The following DPP6 variants were observed in gnomAD, a reference collection of about 807,000 sequenced individuals.
The protein encoded by DPP6 is dipeptidyl peptidase like 6, also known as A-type potassium channel modulatory protein DPP6.
In DPP6, 69 loss-of-function variants were observed where a neutral mutation model predicts 122.6. The ratio of observed to expected loss-of-function variants is 0.56; its 90% CI spans 0.46 to 0.69. DPP6 has a LOEUF of 0.69. DPP6 is among the 30% of genes least tolerant of loss of function. The pLI is 0.00. For synonymous variants in DPP6, 418 were observed against 433.1 expected (o/e 0.97, Z 0.43); for missense variants, 928 against 1,116.9 (o/e 0.83, Z 2.41).
At chr7:154,066,191 C>T (rs1802713226) in intron 1 of DPP6, among the ~76,000 whole-genome samples, 1 of 151,946 alleles carries the variant, frequency 6.6e-6, no homozygotes, top group Admixed American at 6.6e-5. Flanking sequence ...TCCTGAGTAG[C>T]TGGGATTACA....
intron 1 of DPP6, among the ~76,000 whole-genome samples, chr7:154,406,790 A>G (rs951168096): frequency 6.6e-6 from 1 of 152,162 alleles, no homozygotes; most frequent in Non-Finnish European, 1.5e-5. Context: ...GCAAAACACC[A>G]TTCTGTTTTA....
rs1441271224 is a variant in DPP6 at position 154,483,198 on chromosome 7, T to C, written c.457+8161T>C. Among the ~76,000 whole-genome samples the C allele has an allele frequency of 2.0e-5, 3 of 152,102 alleles. No individual in the cohort carries two copies. The highest frequency in any genetic ancestry group is 6.5e-5 in the Admixed American group (1 of 15,272). On this transcript the variant is annotated intron_variant, in intron 3 of 25. Coordinates refer to ENST00000377770, the MANE Select transcript of DPP6 (RefSeq NM_130797.4). This position sits in a 1 kb window ranked among gnomAD's most constrained non-coding sequence, Gnocchi z 8.1. ...TCAAAGTCAAGGCAGGAGAAAATGC[T>C]CTAGGCGAGTTAGTGTGCTGCCGAT...
intron 5 of DPP6, among the ~76,000 whole-genome samples, chr7:154,570,425 C>T (rs1478346479): frequency 6.6e-6 from 1 of 151,854 alleles, no homozygotes; most frequent in Admixed American, 6.6e-5. Context: ...GTCTTTTTAT[C>T]TCCTATCTGT....
intron 1 of DPP6, among the ~76,000 whole-genome samples, chr7:154,057,001 G>A (rs1307964223): frequency 2.0e-5 from 3 of 152,202 alleles, no homozygotes; most frequent in Admixed American, 6.5e-5. Flanking sequence ...AGTGCTTGGT[G>A]TACTCACCTA....
chr7:154,582,502 G>A (rs1422893937), intron 5 of DPP6, among the ~76,000 whole-genome samples: 1 of 152,114 alleles, frequency 6.6e-6, no homozygotes, highest in Non-Finnish European at 1.5e-5. Flanking sequence ...GAGGAGGGAG[G>A]AAGCCCCTCA....
chr7:154,185,272 T>G (rs559402630), intron 1 of DPP6, among the ~76,000 whole-genome samples: 1 of 152,324 alleles, frequency 6.6e-6, no homozygotes, highest in East Asian at 1.9e-4. Context: ...GGATTTCAAT[T>G]TTTGCCTGGA....
chr7:154,091,355 C>T (rs1345236005), intron 1 of DPP6, among the ~76,000 whole-genome samples: 10 of 152,208 alleles, frequency 6.6e-5, no homozygotes, highest in East Asian at 1.9e-4. Flanking sequence ...GTATTTTGAG[C>T]GGTCTATGGC....
intron 1 of DPP6, among the ~76,000 whole-genome samples, chr7:154,303,502 T>A (rs1806049930): frequency 6.6e-6 from 1 of 152,084 alleles, no homozygotes; most frequent in Non-Finnish European, 1.5e-5. Flanking sequence ...CGACTCTTGC[T>A]TGGCCCGGCC....
intron 1 of DPP6, among the ~76,000 whole-genome samples, chr7:153,890,582 C>A (rs1799145682): frequency 6.6e-6 from 1 of 151,616 alleles, no homozygotes; most frequent in Admixed American, 6.6e-5. Flanking sequence ...CTGAGTACAG[C>A]TAGAGGATTA....
chr7:154,851,746 T>G lies in DPP6; in HGVS notation c.1667-2034T>G, dbSNP rs117264930. 3.2e-4 allele frequency among the ~76,000 whole-genome samples: 49 copies of G among 152,094 alleles called. No individual in the cohort carries two copies. In the East Asian group the frequency reaches 9.5e-3, roughly 29 times the overall value. On this transcript the variant is annotated intron_variant, in intron 16 of 25. Coordinates refer to ENST00000377770, the MANE Select transcript of DPP6 (RefSeq NM_130797.4). ...TTTTTTTGTAGTATGTCCCAAATACTGCATGGGACACACTTACAGTAAGAA... is the reference window on the plus strand; with the variant it reads ...TTTTTTTGTAGTATGTCCCAAATACGGCATGGGACACACTTACAGTAAGAA...
At chr7:154,514,327 C>T (rs758597661) in intron 3 of DPP6, among the ~76,000 whole-genome samples, 2 of 151,528 alleles carry the variant, frequency 1.3e-5, no homozygotes, top group Non-Finnish European at 2.9e-5. Context: ...TAATTCAGAC[C>T]CTCTCCTTCT....
chr7:154,503,797 C>T (rs1395169666), intron 3 of DPP6, among the ~76,000 whole-genome samples: 1 of 152,124 alleles, frequency 6.6e-6, no homozygotes, highest in African/African-American at 2.4e-5. Flanking sequence ...AAATGAAAAA[C>T]TGCGATTAAA....
chr7:154,454,033 G>A (rs1820615955), intron 2 of DPP6, among the ~76,000 whole-genome samples: 1 of 152,004 alleles, frequency 6.6e-6, no homozygotes, highest in Admixed American at 6.6e-5. Context: ...TAGATGGCTT[G>A]CTCCGTATCT....
At chr7:153,817,488 T>C in the DPP6 span, among the ~76,000 whole-genome samples, 1 of 150,074 alleles carries the variant, frequency 6.7e-6, no homozygotes, top group African/African-American at 2.5e-5. Flanking sequence ...TTCACACACA[T>C]GACACAAACA....
At chr7:154,391,147 G>A (rs548994595) in intron 1 of DPP6, among the ~76,000 whole-genome samples, 4 of 152,196 alleles carry the variant, frequency 2.6e-5, no homozygotes, top group Admixed American at 6.5e-5. Context: ...CGCGGCATCC[G>A]TATGCCCTTG....
chr7:154,872,729 G>C (rs775981385), intron 19 of DPP6, 36 bp downstream of exon 19: 56 of 1,572,032 alleles, frequency 3.6e-5, no homozygotes, highest in Non-Finnish European at 4.6e-5. Context: ...CCTGGTGCTC[G>C]TTCTGGGGCT....
intron 1 of DPP6, among the ~76,000 whole-genome samples, chr7:154,214,432 G>T (rs570439174): frequency 6.6e-6 from 1 of 152,306 alleles, no homozygotes; most frequent in South Asian, 2.1e-4. Context: ...CAGGTGCTGT[G>T]TTAACTGAAA....
chr7:154,694,744 C>T (rs1203420696), intron 7 of DPP6, among the ~76,000 whole-genome samples: 1 of 152,182 alleles, frequency 6.6e-6, no homozygotes, highest in Non-Finnish European at 1.5e-5. Flanking sequence ...CGGCGGACCC[C>T]TTTCCTAAAC....
rs1002277297 is a variant in DPP6, at chr7:154,447,591, G to A, written c.358+1263G>A. The stretch of plus-strand genomic sequence containing the variant: ...AATCTAAATGAGAAAAGGACGATCT[G>A]TACCCTGATACCAAACTAGATAAAG... On this transcript the variant is annotated intron_variant, in intron 2 of 25. Transcript: ENST00000377770. 2.0e-5 allele frequency among the ~76,000 whole-genome samples: 3 copies of A among 152,152 alleles called. No homozygotes were observed. The South Asian group carries it at 6.2e-4, about 32-fold the overall frequency.
Sources: gnomAD v4.1 joint callset for allele counts (sites outside exome capture counted in the v4.1 genomes callset) on GRCh38, gnomAD v4.1.1 for gene constraint, Gnocchi (gnomAD v3.1) non-coding constraint, MANE v1.5 for transcripts, NCBI Gene and HGNC (gene_info 2026-07-23, HGNC 2026-07-21) for gene names.